SPAG9: variants seen among roughly 807,000 people sequenced by gnomAD.
SPAG9 encodes C-Jun-amino-terminal kinase-interacting protein 4.
A neutral mutation model predicts 166.5 loss-of-function variants in SPAG9; 35 were observed. The observed-to-expected ratio is 0.21, with a 90% CI of 0.16 to 0.28. SPAG9 has a LOEUF of 0.28. SPAG9 is among the 10% of genes least tolerant of loss of function. SPAG9 has a pLI of 1.00. For synonymous variants in SPAG9, 534 were observed against 565.5 expected (o/e 0.94, Z 0.79); for missense variants, 1,235 against 1,603.3 (o/e 0.77, Z 3.92).
chr17:50,989,681 A>C lies in SPAG9; in HGVS notation c.2809T>G (p.Ser937Ala). Residue 937 changes from serine (S) to alanine (A), a missense_variant, in exon 21 of 30, where the codon TCG (serine) becomes GCG (alanine). Coordinates refer to ENST00000262013, the MANE Select transcript of SPAG9 (RefSeq NM_001130528.3). Reference protein sequence around the residue: ...IPEDLSPVYQSSNDSDAYKDQ... With the variant: ...IPEDLSPVYQASNDSDAYKDQ... ...GTTGATGACCCATTATTATACCTCG[A>C]CTGATACACTGGGGAGAGGTCTTCT... is the stretch of plus-strand genomic sequence containing the variant. The C allele has an allele frequency of 6.2e-7, 1 of 1,613,900 alleles. No individual in the cohort carries two copies. The highest frequency in any genetic ancestry group is 1.1e-5 in the South Asian group (1 of 91,076).
At chr17:51,062,912 A>G (rs1322902844) in intron 2 of SPAG9, among the ~76,000 whole-genome samples, 1 of 152,164 alleles carries the variant, frequency 6.6e-6, no homozygotes, top group Non-Finnish European at 1.5e-5. Context: ...TTTCCTGGAC[A>G]AACAGTTTAT....
intron 8 of SPAG9, among the ~76,000 whole-genome samples, chr17:51,018,256 T>A: frequency 1.0e-5 from 1 of 97,194 alleles, no homozygotes; most frequent in African/African-American, 4.1e-5. Context: ...GGTGAGAGAA[T>A]CGCTTGAACC....
intron 4 of SPAG9, among the ~76,000 whole-genome samples, chr17:51,042,006 A>G (rs1322016908): frequency 3.0e-4 from 45 of 152,166 alleles, no homozygotes; most frequent in Admixed American, 2.9e-3. Context: ...GGGAACTTGC[A>G]ACCTCCTTCT....
At chr17:51,091,854 A>G (rs1438668084) in intron 1 of SPAG9, among the ~76,000 whole-genome samples, 1 of 152,080 alleles carries the variant, frequency 6.6e-6, no homozygotes, top group Non-Finnish European at 1.5e-5. Flanking sequence ...GACTTATGTC[A>G]GGATCTAAAA....
At chr17:51,079,465 C>T (rs908760457) in intron 2 of SPAG9, 119 bp downstream of exon 2, 29 of 888,428 alleles carry the variant, frequency 3.3e-5, no homozygotes, top group Admixed American at 3.2e-4. Flanking sequence ...TCTTGAACTC[C>T]TGAACCCAAG....
intron 1 of SPAG9, among the ~76,000 whole-genome samples, chr17:51,083,395 C>T (rs993669132): frequency 9.9e-5 from 15 of 151,334 alleles, no homozygotes; most frequent in Non-Finnish European, 7.4e-5. Context: ...CCACCGCACC[C>T]GGCTAATTTT....
chr17:51,049,536 G>A (rs2047124243), intron 3 of SPAG9, among the ~76,000 whole-genome samples: 1 of 151,820 alleles, frequency 6.6e-6, no homozygotes, highest in Admixed American at 6.6e-5. Flanking sequence ...AAAATTAGCT[G>A]GGTATTTTGG....
At chr17:51,046,329 T>A (rs1162667763) in intron 4 of SPAG9, among the ~76,000 whole-genome samples, 1 of 152,198 alleles carries the variant, frequency 6.6e-6, no homozygotes, top group Admixed American at 6.5e-5. Flanking sequence ...CATAAAGCTA[T>A]AATCCTAACT....
chr17:50,964,934 T>C lies in SPAG9; in HGVS notation c.*1338A>G, dbSNP rs1378498701. 1 of 191,150 alleles carries C rather than the reference T, an allele frequency of 5.2e-6. No individual in the cohort carries two copies. Among genetic ancestry groups the C allele is most frequent in the Non-Finnish European group, 1.1e-5 (1 of 88,402 alleles). The allele number at this position is 191,150 out of a possible 1,614,324, so 11.8% of individuals were successfully genotyped here. On this transcript the variant is annotated 3_prime_UTR_variant, in exon 30 of 30. Coordinates refer to ENST00000262013, the MANE Select transcript of SPAG9 (RefSeq NM_001130528.3). ...CACCCGGTTAATTTATTTTGTTTTT[T>C]TTTTTTGGTAGAGACAGGGTTTCGC...
intron 2 of SPAG9, among the ~76,000 whole-genome samples, chr17:51,065,315 G>A (rs1326406580): frequency 1.3e-5 from 2 of 151,908 alleles, no homozygotes; most frequent in African/African-American, 4.8e-5. Context: ...TTATAGGCAC[G>A]AGCCACCAGG....
chr17:51,080,667 GGTCAGGA>G (rs2048135750), intron 1 of SPAG9, among the ~76,000 whole-genome samples: 1 of 152,026 alleles, frequency 6.6e-6, no homozygotes, highest in African/African-American at 2.4e-5. Flanking sequence ...CAGATCACAA[GGTCAGGA>G]GTTCAAGACC....
intron 9 of SPAG9, among the ~76,000 whole-genome samples, chr17:51,012,078 G>A (rs1483583843): frequency 6.6e-6 from 1 of 152,146 alleles, no homozygotes; most frequent in African/African-American, 2.4e-5. Context: ...GTGGGGTGAT[G>A]TATATTGATT....
chr17:51,096,021 T>TGA (rs2048632681), intron 1 of SPAG9, among the ~76,000 whole-genome samples: 1 of 84,980 alleles, frequency 1.2e-5, no homozygotes, highest in South Asian at 3.4e-4. Context: ...ATATATATAG[T>TGA]GATATATATA....
rs76017536 is a variant in SPAG9, at chr17:51,102,211, C to T, written c.303+18143G>A. On this transcript the variant is annotated intron_variant, in intron 1 of 29. Coordinates refer to ENST00000262013, the MANE Select transcript of SPAG9 (RefSeq NM_001130528.3). ...CAGGCTGAGCAACATGGTGAAACCCCGTCTCTAAAATACAAAAAACATAAA... is the reference window on the plus strand; with the variant it reads ...CAGGCTGAGCAACATGGTGAAACCCTGTCTCTAAAATACAAAAAACATAAA... Among the ~76,000 whole-genome samples, 24 of 151,584 alleles carry T rather than the reference C, an allele frequency of 1.6e-4. No homozygotes were observed. In the East Asian group the frequency reaches 4.1e-3, roughly 26 times the overall value.
At chr17:51,066,554 C>CA (rs1297678240) in intron 2 of SPAG9, among the ~76,000 whole-genome samples, 973 of 20,842 alleles carry the variant, frequency 0.047, 18 homozygotes, top group African/African-American at 0.16. Flanking sequence ...GACTCTGTCT[C>CA]AAAAAAAAAA....
At chr17:50,978,871 T>C (rs1382165605) in intron 26 of SPAG9, among the ~76,000 whole-genome samples, 1 of 152,112 alleles carries the variant, frequency 6.6e-6, no homozygotes, top group Non-Finnish European at 1.5e-5. Context: ...GTGAAGGTAA[T>C]ATCTGCACCT....
rs200037489 is a variant in SPAG9, at chr17:51,005,193, T to A, written c.1476+19A>T. 3.2e-4 allele frequency: 517 copies of A among 1,612,006 alleles called. 3 individuals carry two copies. Among genetic ancestry groups the A allele is most frequent in the East Asian group, 2.1e-3 (93 of 44,812 alleles). On this transcript the variant is annotated intron_variant, in intron 12 of 29. Transcript: ENST00000262013. ...AAACATGGTAAGGTAAGAAAAAAAGTCCAAAATTGTAAACCTACATCATCG... is the reference window on the plus strand; with the variant it reads ...AAACATGGTAAGGTAAGAAAAAAAGACCAAAATTGTAAACCTACATCATCG...
At chr17:51,062,277 T>C (rs764575908) in intron 2 of SPAG9, among the ~76,000 whole-genome samples, 1 of 152,196 alleles carries the variant, frequency 6.6e-6, no homozygotes, top group Non-Finnish European at 1.5e-5. Context: ...CACTGACACA[T>C]GCTTATCACC....
intron 28 of SPAG9, among the ~76,000 whole-genome samples, chr17:50,973,442 T>C (rs1230376092): frequency 6.6e-6 from 1 of 152,262 alleles, no homozygotes; most frequent in Admixed American, 6.5e-5. Context: ...TATACAAATA[T>C]ATAAAATGTA....
Sources: gnomAD v4.1 joint callset for allele counts (sites outside exome capture counted in the v4.1 genomes callset) on GRCh38, gnomAD v4.1.1 for gene constraint, MANE v1.5 for transcripts, NCBI Gene and HGNC (gene_info 2026-07-23, HGNC 2026-07-21) for gene names.